Variants in CSMD1 observed in about 807,000 individuals in gnomAD.
CSMD1 encodes CUB and Sushi multiple domains 1, also known as CUB and sushi domain-containing protein 1.
Under a neutral mutation model 417.5 loss-of-function variants are expected in CSMD1, and 213 were observed. The observed-to-expected ratio is 0.51, with a 90% CI of 0.46 to 0.57. The LOEUF is 0.57. Among genes scored for constraint, CSMD1 ranks in the 20% least tolerant of loss-of-function variants. The pLI is 0.00. For missense variants in CSMD1, 6,923 were observed against 4,529.7 expected (o/e 1.53, Z -15.17); for synonymous variants, 2,862 against 1,736.8 (o/e 1.65, Z -16.11).
At chr8:3,424,841 T>G (rs992282086) in intron 12 of CSMD1, among the ~76,000 whole-genome samples, 1 of 152,190 alleles carries the variant, frequency 6.6e-6, no homozygotes, top group Non-Finnish European at 1.5e-5. Flanking sequence ...TCTATTTTTT[T>G]AAATATTATT....
intron 3 of CSMD1, among the ~76,000 whole-genome samples, chr8:4,187,286 C>G (rs1798738983): frequency 6.6e-6 from 1 of 152,166 alleles, no homozygotes; most frequent in Non-Finnish European, 1.5e-5. Context: ...AATACTGATG[C>G]TCTTTCAGTC....
chr8:3,348,460 T>C (rs1194696718), intron 21 of CSMD1, among the ~76,000 whole-genome samples: 4 of 152,304 alleles, frequency 2.6e-5, no homozygotes, highest in East Asian at 1.9e-4. Context: ...TCCAGCACCA[T>C]GGCTCACTGG....
intron 7 of CSMD1, among the ~76,000 whole-genome samples, chr8:3,665,348 G>A (rs1347974411): frequency 1.3e-5 from 2 of 151,970 alleles, no homozygotes; most frequent in South Asian, 2.1e-4. Context: ...TGGCCCATAC[G>A]GCAACACCCC....
At chr8:3,743,814 C>T (rs1180528484) in intron 6 of CSMD1, among the ~76,000 whole-genome samples, 1 of 152,168 alleles carries the variant, frequency 6.6e-6, no homozygotes, top group Non-Finnish European at 1.5e-5. Flanking sequence ...CCCTTGCCCA[C>T]CAGACACAAA....
intron 27 of CSMD1, among the ~76,000 whole-genome samples, chr8:3,225,040 A>G (rs991208195): frequency 1.3e-5 from 2 of 152,200 alleles, no homozygotes; most frequent in Non-Finnish European, 2.9e-5. Context: ...CACATGCACT[A>G]AAAAATATGT....
chr8:4,609,068 C>A (rs1801033209), intron 2 of CSMD1, among the ~76,000 whole-genome samples: 1 of 151,722 alleles, frequency 6.6e-6, no homozygotes, highest in Admixed American at 6.6e-5. Flanking sequence ...TGAAATCCTC[C>A]ACTTTCAGGT....
At chr8:3,186,344 T>C (rs1164320353) in intron 36 of CSMD1, among the ~76,000 whole-genome samples, 1 of 152,186 alleles carries the variant, frequency 6.6e-6, no homozygotes, top group African/African-American at 2.4e-5. Context: ...GGCCTTGAGT[T>C]CTAGCTTTTA....
chr8:4,656,461 T>A (rs148158996), intron 1 of CSMD1, among the ~76,000 whole-genome samples: 18 of 152,138 alleles, frequency 1.2e-4, no homozygotes, highest in African/African-American at 4.3e-4. Context: ...GCACTTAACC[T>A]TTGCTGATAA....
chr8:4,083,437 A>G (rs553968615), intron 3 of CSMD1, among the ~76,000 whole-genome samples: 2 of 152,260 alleles, frequency 1.3e-5, no homozygotes, highest in South Asian at 4.1e-4. Context: ...CTGACTTCAA[A>G]CTATACTACA....
intron 3 of CSMD1, among the ~76,000 whole-genome samples, chr8:4,164,875 T>A (rs973206520): frequency 2.2e-4 from 19 of 85,804 alleles, no homozygotes; most frequent in African/African-American, 9.1e-4. Flanking sequence ...AGACTCCATC[T>A]CAAAGAAAAA....
At chr8:3,846,831 G>A (rs1003255029) in intron 5 of CSMD1, among the ~76,000 whole-genome samples, 2 of 151,938 alleles carry the variant, frequency 1.3e-5, no homozygotes, top group East Asian at 1.9e-4. Flanking sequence ...CTGCCACCAC[G>A]TCTGGCTAAT....
At chr8:3,009,367 A>G (rs1385148750) in intron 52 of CSMD1, among the ~76,000 whole-genome samples, 1 of 152,196 alleles carries the variant, frequency 6.6e-6, no homozygotes, top group Non-Finnish European at 1.5e-5. Context: ...AAAATACATT[A>G]CAAATATCCT....
chr8:4,203,700 A>T (rs1799802892), intron 3 of CSMD1, among the ~76,000 whole-genome samples: 1 of 152,132 alleles, frequency 6.6e-6, no homozygotes, highest in Admixed American at 6.5e-5. Context: ...ACACACACAC[A>T]AACATACACA....
intron 2 of CSMD1, among the ~76,000 whole-genome samples, chr8:4,468,905 A>G (rs938766514): frequency 6.6e-6 from 1 of 151,992 alleles, no homozygotes; most frequent in Non-Finnish European, 1.5e-5. Flanking sequence ...TTTGGCTAAT[A>G]GGAAAGGAAT....
chr8:4,915,680 G>T (rs532962875), intron 1 of CSMD1, among the ~76,000 whole-genome samples: 2 of 152,332 alleles, frequency 1.3e-5, no homozygotes, highest in African/African-American at 4.8e-5. Flanking sequence ...GCGCCCGGCG[G>T]CAGTGGATTT....
intron 23 of CSMD1, among the ~76,000 whole-genome samples, chr8:3,338,325 C>G (rs963511500): frequency 1.3e-5 from 2 of 152,142 alleles, no homozygotes; most frequent in East Asian, 3.8e-4. Flanking sequence ...TCAGTGTCCA[C>G]AGAACGGAAA....
chr8:3,475,649 G>C (rs1039991801), intron 11 of CSMD1, among the ~76,000 whole-genome samples: 4 of 152,190 alleles, frequency 2.6e-5, no homozygotes, highest in African/African-American at 7.2e-5. Flanking sequence ...CTTTTGCACA[G>C]ATTTCAGTGA....
intron 17 of CSMD1, 100 bp downstream of exon 17, chr8:3,396,094 A>G: frequency 9.9e-7 from 1 of 1,011,380 alleles, no homozygotes. Flanking sequence ...CAGGATCAGT[A>G]AACTAGCACA....
chr8:3,239,090 A>G (rs148994837), intron 26 of CSMD1, among the ~76,000 whole-genome samples: 4,959 of 152,262 alleles, frequency 0.033, 248 homozygotes, highest in African/African-American at 0.11. Context: ...CTGAGGACAG[A>G]CCTGAATTCT....
Sources: allele counts gnomAD v4.1 joint callset (sites outside exome capture counted in the v4.1 genomes callset), GRCh38; gene constraint gnomAD v4.1.1; transcripts MANE v1.5; gene names NCBI Gene and HGNC (gene_info 2026-07-23, HGNC 2026-07-21).